Variants in TUSC3 observed in about 807,000 individuals in gnomAD.
TUSC3 encodes tumor suppressor candidate 3.
TUSC3 carries 45 observed loss-of-function variants against 44.8 expected under a neutral mutation model. The ratio of observed to expected loss-of-function variants is 1.00; its 90% CI spans 0.79 to 1.29. The LOEUF is 1.29. TUSC3 is among the 50% of genes most tolerant of loss of function. The pLI is 0.00. For missense variants in TUSC3, 519 were observed against 437.9 expected, an observed-to-expected ratio of 1.19 and a Z score of -1.65; for synonymous variants, 212 against 152.9, an observed-to-expected ratio of 1.39 and a Z score of -2.85.
chr8:15,851,538 A>C, the TUSC3 span, among the ~76,000 whole-genome samples: 14,106 of 152,232 alleles, frequency 0.093, 939 homozygotes, highest in Non-Finnish European at 0.14. Flanking sequence ...AGAAACTCTG[A>C]TTAGAGAGGT....
At chr8:15,848,899 T>C in the TUSC3 span, among the ~76,000 whole-genome samples, 1 of 152,248 alleles carries the variant, frequency 6.6e-6, no homozygotes, top group Non-Finnish European at 1.5e-5. Context: ...TAGTGCTTAA[T>C]CGCATAAACT....
chr8:15,528,808 C>A (rs959542092), intron 2 of TUSC3, among the ~76,000 whole-genome samples: 2 of 152,168 alleles, frequency 1.3e-5, no homozygotes. Context: ...TGTATAATTT[C>A]ATTAAGATAC....
At chr8:15,756,609 G>C (rs994263160) in intron 9 of TUSC3, among the ~76,000 whole-genome samples, 8 of 152,110 alleles carry the variant, frequency 5.3e-5, no homozygotes, top group Non-Finnish European at 1.2e-4. Context: ...TAAGCACATA[G>C]TAGGTGCTCA....
chr8:15,473,779 T>C (rs1258991224), intron 1 of TUSC3, among the ~76,000 whole-genome samples: 1 of 152,150 alleles, frequency 6.6e-6, no homozygotes, highest in African/African-American at 2.4e-5. Context: ...CACATGCTTC[T>C]GAGGAAACAG....
the TUSC3 span, among the ~76,000 whole-genome samples, chr8:15,799,292 T>A: frequency 6.9e-3 from 1,047 of 152,272 alleles, 13 homozygotes; most frequent in African/African-American, 0.024. Context: ...ATTATCCTAG[T>A]TCTGCCCAGA....
intron 1 of TUSC3, among the ~76,000 whole-genome samples, chr8:15,443,137 A>ATTT (rs557484292): frequency 6.6e-6 from 1 of 151,674 alleles, no homozygotes; most frequent in Non-Finnish European, 1.5e-5. Context: ...AAAATCTGAC[A>ATTT]TTTTTTTCTT....
At chr8:15,658,767 A>G (rs1807289029) in intron 3 of TUSC3, among the ~76,000 whole-genome samples, 1 of 151,960 alleles carries the variant, frequency 6.6e-6, no homozygotes, top group Non-Finnish European at 1.5e-5. Context: ...TTAACCTAAT[A>G]TATGTTTTTA....
At chr8:15,732,473 G>T (rs968345246) in intron 7 of TUSC3, among the ~76,000 whole-genome samples, 1 of 151,896 alleles carries the variant, frequency 6.6e-6, no homozygotes, top group African/African-American at 2.4e-5. Context: ...TTAAACCTTT[G>T]TTTCTTTATA....
chr8:15,507,469 T>C (rs913162974), intron 2 of TUSC3, among the ~76,000 whole-genome samples: 1 of 152,162 alleles, frequency 6.6e-6, no homozygotes, highest in Admixed American at 6.5e-5. Flanking sequence ...GAAAAATACA[T>C]GGAAAAGCAT....
At chr8:15,848,514 C>G in the TUSC3 span, among the ~76,000 whole-genome samples, 1 of 152,202 alleles carries the variant, frequency 6.6e-6, no homozygotes, top group East Asian at 1.9e-4. Flanking sequence ...CAGACCCCAT[C>G]TATCCCAGGC....
the TUSC3 span, among the ~76,000 whole-genome samples, chr8:15,820,375 G>C: frequency 6.9e-6 from 1 of 145,644 alleles, no homozygotes; most frequent in Non-Finnish European, 1.5e-5. Context: ...GCAGTGGCGC[G>C]ATCTTGGCTC....
At chr8:15,611,467 G>A (rs757182237) in intron 1 of TUSC3, among the ~76,000 whole-genome samples, 5 of 152,162 alleles carry the variant, frequency 3.3e-5, no homozygotes, top group African/African-American at 7.2e-5. Context: ...GATTACAGGC[G>A]TGAGCCATCG....
intron 1 of TUSC3, among the ~76,000 whole-genome samples, chr8:15,437,829 G>C (rs1263770853): frequency 1.3e-5 from 2 of 152,070 alleles, no homozygotes; most frequent in South Asian, 2.1e-4. Context: ...CAGAACACCT[G>C]CACTGAGATA....
In TUSC3 at chr8:15,644,605, A is replaced by G. The variant is rs542248120; in HGVS notation, c.309-6092A>G. On this transcript the variant is annotated intron_variant, in intron 2 of 10. Transcript: ENST00000503731. ...ATTAGTTAGGTTTTCTCTGTCCCCT[A>G]TTAAACGTTAAGAAGTTGGGATATG... 7.9e-5 allele frequency among the ~76,000 whole-genome samples: 12 copies of G among 152,224 alleles called. No individual in the cohort carries two copies. In the East Asian group the frequency reaches 1.2e-3, roughly 15 times the overall value.
downstream of TUSC3, among the ~76,000 whole-genome samples, chr8:15,767,449 C>T (rs1812363022): frequency 6.7e-6 from 1 of 148,898 alleles, no homozygotes. Context: ...AAAAAAAACA[C>T]TGTCACATTC....
At position 15,766,246 on chromosome 8, in the gene TUSC3, A is replaced by G. The variant is rs565257724; in HGVS notation, c.*2090A>G. ...GGGAAGTGATTCTAGAGCAAAATATACTGCCTCAACATAAGTCGTTACTGA... is the reference window on the plus strand; with the variant it reads ...GGGAAGTGATTCTAGAGCAAAATATGCTGCCTCAACATAAGTCGTTACTGA... On this transcript the variant is annotated 3_prime_UTR_variant, in exon 11 of 11. Coordinates refer to ENST00000503731, the MANE Select transcript of TUSC3 (RefSeq NM_006765.4). The G allele has an allele frequency of 1.1e-4, 16 of 152,210 alleles. No individual in the cohort carries two copies. Among genetic ancestry groups the G allele is most frequent in the African/African-American group, 3.8e-4 (16 of 41,562 alleles). The allele number at this position is 152,210 out of a possible 1,614,324, so 9.4% of individuals were successfully genotyped here.
At chr8:15,648,287 T>C (rs1806718192) in intron 2 of TUSC3, among the ~76,000 whole-genome samples, 1 of 152,176 alleles carries the variant, frequency 6.6e-6, no homozygotes, top group Non-Finnish European at 1.5e-5. Flanking sequence ...ATTCCTTTTT[T>C]ATATGATATT....
At chr8:15,712,181 T>G (rs1245810198) in intron 6 of TUSC3, among the ~76,000 whole-genome samples, 1 of 152,020 alleles carries the variant, frequency 6.6e-6, no homozygotes, top group Non-Finnish European at 1.5e-5. Flanking sequence ...AAAATAAGAT[T>G]AGAGGCTCTT....
upstream of TUSC3, among the ~76,000 whole-genome samples, chr8:15,539,738 T>G (rs527613751): frequency 6.6e-6 from 1 of 152,274 alleles, no homozygotes; most frequent in South Asian, 2.1e-4. Context: ...CGGTGCTCTG[T>G]ACTTATGCAC....
Sources: gnomAD v4.1 joint callset for allele counts (sites outside exome capture counted in the v4.1 genomes callset) on GRCh38, gnomAD v4.1.1 for gene constraint, MANE v1.5 for transcripts, NCBI Gene and HGNC (gene_info 2026-07-23, HGNC 2026-07-21) for gene names.